METTL16: variants seen among roughly 807,000 people sequenced by gnomAD.
The protein encoded by METTL16 is RNA N(6)-adenosine-methyltransferase METTL16.
METTL16 carries 19 observed loss-of-function variants against 57.9 expected under a neutral mutation model. The ratio of observed to expected loss-of-function variants is 0.33; its 90% CI spans 0.23 to 0.48. The LOEUF (loss-of-function observed/expected upper bound fraction) is 0.48, where lower values mean the gene tolerates loss of function less well. Ranked by LOEUF, METTL16 falls within the 20% of genes least tolerant of loss-of-function variation. The pLI, the probability that METTL16 is intolerant of heterozygous loss-of-function variation, is 0.99. For synonymous variants in METTL16, 246 were observed against 255.6 expected, an observed-to-expected ratio of 0.96 and a Z score of 0.36; for missense variants, 434 against 691.5, an observed-to-expected ratio of 0.63 and a Z score of 4.18.
At chr17:2,452,867 T>TA (rs1387699845) in intron 6 of METTL16, among the ~76,000 whole-genome samples, 1 of 152,150 alleles carries the variant, frequency 6.6e-6, no homozygotes, top group Non-Finnish European at 1.5e-5. Context: ...TTGTTTTTTT[T>TA]AGACTTTTTT....
intron 1 of METTL16, among the ~76,000 whole-genome samples, chr17:2,507,376 G>T (rs560937788): frequency 1.4e-5 from 2 of 146,390 alleles, no homozygotes; most frequent in Admixed American, 6.8e-5. Context: ...GGAGGGAGGT[G>T]GGGGGGTCAG....
intron 6 of METTL16, among the ~76,000 whole-genome samples, chr17:2,442,621 A>G (rs1043984335): frequency 6.6e-6 from 1 of 152,214 alleles, no homozygotes; most frequent in African/African-American, 2.4e-5. Flanking sequence ...AAAAGAAGAC[A>G]GAACTCTCAG....
chr17:2,496,680 G>A (rs2067448507), intron 2 of METTL16, among the ~76,000 whole-genome samples: 1 of 151,562 alleles, frequency 6.6e-6, no homozygotes, highest in Non-Finnish European at 1.5e-5. Flanking sequence ...TGATCTGAAT[G>A]TGTCCCCCAG....
Position 2,420,820 on chromosome 17 carries a change from A to T in METTL16, c.973T>A (p.Ser325Thr), listed in dbSNP as rs1452818238. The change falls in exon 9 of 10, where the codon TCC becomes ACC. Residue 325 changes from serine to threonine, a missense_variant. Coordinates refer to ENST00000263092, the MANE Select transcript of METTL16 (RefSeq NM_024086.4). This position sits in a 1 kb window ranked among gnomAD's most constrained non-coding sequence, Gnocchi z 5.4. ...VVLASVMKEL[S>T]LKASPLRSET... ...GAGCGCAGAGGTGATGCTTTGAGGG[A>T]TAATTCCTTCATCACGGACGCCAGC... The T allele has an allele frequency of 1.2e-6, 2 of 1,614,114 alleles. No individual in the cohort carries two copies. Among genetic ancestry groups the T allele is most frequent in the Non-Finnish European group, 1.7e-6 (2 of 1,180,048 alleles).
chr17:2,466,947 C>T (rs534364659), intron 5 of METTL16, among the ~76,000 whole-genome samples: 53 of 152,070 alleles, frequency 3.5e-4, no homozygotes, highest in African/African-American at 1.2e-3. Flanking sequence ...GGTCTACAGG[C>T]ACACGCCATA....
chr17:2,474,371 TGAAA>T (rs1312621928), intron 3 of METTL16, among the ~76,000 whole-genome samples: 11 of 120,570 alleles, frequency 9.1e-5, no homozygotes, highest in Non-Finnish European at 1.6e-4. Context: ...AGTTGTCAGC[TGAAA>T]GAAACAAAAA....
At chr17:2,487,640 G>C (rs2067353381) in intron 2 of METTL16, among the ~76,000 whole-genome samples, 1 of 152,168 alleles carries the variant, frequency 6.6e-6, no homozygotes, top group Non-Finnish European at 1.5e-5. Flanking sequence ...AGTGACATGA[G>C]GCTGCTGGAG....
At chr17:2,440,570 CA>C (rs1242250533) in intron 7 of METTL16, among the ~76,000 whole-genome samples, 2 of 146,762 alleles carry the variant, frequency 1.4e-5, no homozygotes, top group Non-Finnish European at 3.0e-5. Context: ...CAAAAAAAAA[CA>C]AAAACAAAAC....
intron 6 of METTL16, among the ~76,000 whole-genome samples, chr17:2,453,374 TTC>T (rs1472982148): frequency 3.9e-5 from 6 of 152,218 alleles, no homozygotes; most frequent in African/African-American, 1.4e-4. Flanking sequence ...TTCCTCAGTC[TTC>T]TTTTACTCTC....
At chr17:2,485,778 G>A (rs1042681959) in intron 2 of METTL16, among the ~76,000 whole-genome samples, 2 of 152,108 alleles carry the variant, frequency 1.3e-5, no homozygotes, top group African/African-American at 4.8e-5. Flanking sequence ...TTTCTGAAGC[G>A]GACGGTCTGG....
Position 2,502,247 on chromosome 17 carries a change from C to A in METTL16, c.85G>T (p.Asp29Tyr). The change falls in exon 2 of 10, where the codon GAT (aspartate) becomes TAT (tyrosine). Residue 29 changes from aspartate to tyrosine, a missense_variant. Asp to Tyr is a radical substitution (Grantham distance 160). This residue lies in a region of METTL16 where 118 missense variants were observed against 280.0 expected (regional missense o/e 0.42). Transcript: ENST00000263092. ...DFAYLASKYP[D>Y]FKQHVQINLN... ...TTTATCTGAACATGCTGCTTAAAAT[C>A]TGGATATTTGGATGCCAGATATGCA... 4 of 1,614,008 alleles carry A rather than the reference C, an allele frequency of 2.5e-6. No homozygotes were observed. Among genetic ancestry groups the A allele is most frequent in the Non-Finnish European group, 3.4e-6 (4 of 1,179,976 alleles).
chr17:2,422,174 T>C (rs1241259338), intron 8 of METTL16, among the ~76,000 whole-genome samples: 1 of 151,768 alleles, frequency 6.6e-6, no homozygotes, highest in African/African-American at 2.4e-5. Flanking sequence ...TAGCTGGGCA[T>C]GGGGGCACGC....
chr17:2,476,746 AG>A (rs2067271235), intron 3 of METTL16, among the ~76,000 whole-genome samples: 2 of 152,226 alleles, frequency 1.3e-5, no homozygotes, highest in Admixed American at 1.3e-4. Context: ...ACCTGACGTC[AG>A]GAGTTTGAGA....
intron 6 of METTL16, among the ~76,000 whole-genome samples, chr17:2,459,030 C>A (rs1319796717): frequency 6.6e-6 from 1 of 152,090 alleles, no homozygotes; most frequent in African/African-American, 2.4e-5. Context: ...TGGTCTTGAA[C>A]TCCTGGGCTC....
chr17:2,511,167 TCAGTCCA>T (rs2067584281), intron 1 of METTL16, among the ~76,000 whole-genome samples: 1 of 151,342 alleles, frequency 6.6e-6, no homozygotes, highest in Non-Finnish European at 1.5e-5. Flanking sequence ...GTTACTTGAG[TCAGTCCA>T]GAAAGCCACA....
At chr17:2,476,685 G>C (rs1188163567) in intron 3 of METTL16, among the ~76,000 whole-genome samples, 1 of 152,224 alleles carries the variant, frequency 6.6e-6, no homozygotes, top group Non-Finnish European at 1.5e-5. Flanking sequence ...GCTGGGCATG[G>C]TGGCTCACGC....
chr17:2,419,382 A>C lies in METTL16; in HGVS notation c.*588T>G. 3.6e-6 allele frequency: 1 copy of C among 278,296 alleles called. No homozygotes were observed. Among genetic ancestry groups the C allele is most frequent in the Non-Finnish European group, 7.2e-6 (1 of 138,602 alleles). 17.2% of individuals were successfully genotyped at this position (278,296 alleles called of 1,614,324 possible). A position where few individuals can be genotyped will look rare whatever the true frequency, so the allele number is the denominator to read the frequency against. Reference sequence around the variant, plus strand: ...ACATCAAAACAGCCAGGTGTCAGGAATGTGCCATTTACCGGGTGGTCCCCA... The same window carrying C: ...ACATCAAAACAGCCAGGTGTCAGGACTGTGCCATTTACCGGGTGGTCCCCA... On this transcript the variant is annotated 3_prime_UTR_variant, in exon 10 of 10. Transcript: ENST00000263092.
chr17:2,419,635 A>T lies in METTL16; in HGVS notation c.*335T>A, dbSNP rs1441111417. 1 of 517,536 alleles carries T rather than the reference A, an allele frequency of 1.9e-6. No homozygotes were observed. The highest frequency in any genetic ancestry group is 1.5e-5 in the South Asian group (1 of 65,092). The allele number at this position is 517,536 out of a possible 1,614,324, so 32.1% of individuals were successfully genotyped here. The stretch of plus-strand genomic sequence containing the variant: ...TATTCTAGGCAGTGCTGCCCAGCCC[A>T]GACTCCACAAACAACCCTTCTGACC... On this transcript the variant is annotated 3_prime_UTR_variant, in exon 10 of 10. Coordinates refer to ENST00000263092, the MANE Select transcript of METTL16 (RefSeq NM_024086.4).
At chr17:2,441,124 TA>T (rs1169752097) in intron 7 of METTL16, among the ~76,000 whole-genome samples, 1 of 151,966 alleles carries the variant, frequency 6.6e-6, no homozygotes, top group African/African-American at 2.4e-5. Flanking sequence ...TATTCAGCCA[TA>T]AAAAAGAATG....
Sources: allele counts gnomAD v4.1 joint callset (sites outside exome capture counted in the v4.1 genomes callset), GRCh38; gene constraint gnomAD v4.1.1; regional missense constraint gnomAD v4.1.1; non-coding constraint Gnocchi (gnomAD v3.1); transcripts MANE v1.5; gene names NCBI Gene and HGNC (gene_info 2026-07-23, HGNC 2026-07-21).